The following FBXL7 variants were observed in gnomAD, a reference collection of about 807,000 sequenced individuals.
FBXL7 encodes F-box and leucine rich repeat protein 7.
A neutral mutation model predicts 38.3 loss-of-function variants in FBXL7; 12 were observed. The observed-to-expected ratio is 0.31, with a 90% CI of 0.20 to 0.51. The LOEUF is 0.51. Ranked by LOEUF, FBXL7 falls within the 20% of genes least tolerant of loss-of-function variation. The pLI is 0.98. For synonymous variants in FBXL7, 297 were observed against 300.9 expected (o/e 0.99, Z 0.13); for missense variants, 567 against 676.4 (o/e 0.84, Z 1.79).
intron 2 of FBXL7, among the ~76,000 whole-genome samples, chr5:15,704,534 C>G (rs1390468251): frequency 6.6e-6 from 1 of 152,158 alleles, no homozygotes; most frequent in Admixed American, 6.5e-5. Context: ...TGCAGAGCTC[C>G]ATGTGGTGAT....
intron 1 of FBXL7, among the ~76,000 whole-genome samples, chr5:15,575,623 T>G (rs1215387301): frequency 2.6e-5 from 4 of 152,236 alleles, no homozygotes; most frequent in Non-Finnish European, 4.4e-5. Context: ...AAAACATGTT[T>G]TTGTTTCTTT....
At chr5:15,755,451 T>C (rs1736271984) in intron 2 of FBXL7, among the ~76,000 whole-genome samples, 1 of 152,170 alleles carries the variant, frequency 6.6e-6, no homozygotes. Context: ...TTTCTCTCTG[T>C]GTCTCCCATA....
chr5:15,563,822 T>A (rs975092593), intron 1 of FBXL7, among the ~76,000 whole-genome samples: 2 of 152,112 alleles, frequency 1.3e-5, no homozygotes, highest in African/African-American at 4.8e-5. Context: ...GAAGGCTTGA[T>A]GCCTCATAAA....
intron 1 of FBXL7, among the ~76,000 whole-genome samples, chr5:15,578,128 A>AC (rs1237147764): frequency 6.6e-6 from 1 of 152,178 alleles, no homozygotes; most frequent in Non-Finnish European, 1.5e-5. Flanking sequence ...ACTGGCCATC[A>AC]CCCATAACAT....
chr5:15,713,912 C>G (rs1271672339), intron 2 of FBXL7, among the ~76,000 whole-genome samples: 1 of 152,198 alleles, frequency 6.6e-6, no homozygotes, highest in East Asian at 1.9e-4. Context: ...AATACCTACA[C>G]TGTCCTTGGG....
intron 1 of FBXL7, among the ~76,000 whole-genome samples, chr5:15,615,531 T>A (rs560383142): frequency 6.6e-6 from 1 of 152,358 alleles, no homozygotes; most frequent in East Asian, 1.9e-4. Context: ...AGGGAATTCA[T>A]TTTTTGATGT....
chr5:15,648,113 C>G (rs1232452378), intron 2 of FBXL7, among the ~76,000 whole-genome samples: 1 of 152,214 alleles, frequency 6.6e-6, no homozygotes, highest in Non-Finnish European at 1.5e-5. Context: ...CTTTTTGAAT[C>G]AAGCCTCTTC....
rs577731472 is a variant in FBXL7 at position 15,570,069 on chromosome 5, T to G, written c.38-45914T>G. 7.8e-4 allele frequency among the ~76,000 whole-genome samples: 119 copies of G among 152,348 alleles called. 1 individual carries two copies. Among genetic ancestry groups the G allele is most frequent in the Admixed American group, 2.3e-3 (35 of 15,302 alleles). Reference sequence around the variant, plus strand: ...AAATTCTCTTTTTTTGTTGTGTCTCTGCCAGGCTTTGGTATCAGGATGGTG... The same window carrying G: ...AAATTCTCTTTTTTTGTTGTGTCTCGGCCAGGCTTTGGTATCAGGATGGTG... On this transcript the variant is annotated intron_variant, in intron 1 of 3. Transcript: ENST00000504595.
intron 1 of FBXL7, among the ~76,000 whole-genome samples, chr5:15,611,136 C>A (rs536750987): frequency 1.4e-4 from 22 of 152,206 alleles, no homozygotes; most frequent in African/African-American, 5.1e-4. Flanking sequence ...ATGTAATCAC[C>A]AAATTAATCC....
chr5:15,649,901 C>T (rs959935199), intron 2 of FBXL7, among the ~76,000 whole-genome samples: 1 of 152,164 alleles, frequency 6.6e-6, no homozygotes, highest in African/African-American at 2.4e-5. Context: ...TCATCCACTT[C>T]AGGTGGTAAG....
intron 2 of FBXL7, among the ~76,000 whole-genome samples, chr5:15,893,251 A>G (rs1026962450): frequency 6.6e-6 from 1 of 152,176 alleles, no homozygotes; most frequent in Non-Finnish European, 1.5e-5. Context: ...GCCCCCACTA[A>G]TATGGGATGT....
intron 2 of FBXL7, among the ~76,000 whole-genome samples, chr5:15,867,860 CTG>C (rs1739781392): frequency 1.3e-5 from 2 of 152,062 alleles, no homozygotes; most frequent in Admixed American, 1.3e-4. Context: ...AATCCCAGCA[CTG>C]TGGGAGGGTG....
In FBXL7 at chr5:15,684,997, G is replaced by A. The variant is rs530318463; in HGVS notation, c.127+68925G>A. On this transcript the variant is annotated intron_variant, in intron 2 of 3. Coordinates refer to ENST00000504595, the MANE Select transcript of FBXL7 (RefSeq NM_012304.5). ...TTGAAATTCTTCACATATTCCATTC[G>A]TAGGACTAAGCATTTCTCTGAATAA... Among the ~76,000 whole-genome samples the A allele has an allele frequency of 3.9e-4, 60 of 152,192 alleles. No homozygotes were observed. In the South Asian group the frequency reaches 6.0e-3, roughly 15 times the overall value.
intron 1 of FBXL7, among the ~76,000 whole-genome samples, chr5:15,538,259 G>A (rs1017583188): frequency 6.6e-6 from 1 of 152,140 alleles, no homozygotes; most frequent in Non-Finnish European, 1.5e-5. Flanking sequence ...AGTTTGAAGT[G>A]TATAACGACC....
intron 2 of FBXL7, among the ~76,000 whole-genome samples, chr5:15,631,118 C>T (rs1740982492): frequency 6.6e-6 from 1 of 152,130 alleles, no homozygotes; most frequent in African/African-American, 2.4e-5. Context: ...CAACACAATT[C>T]CTATTGAAAT....
intron 3 of FBXL7, among the ~76,000 whole-genome samples, chr5:15,932,374 G>GGTGTC (rs1184121859): frequency 6.6e-6 from 1 of 152,136 alleles, no homozygotes; most frequent in East Asian, 1.9e-4. Flanking sequence ...TTAACCATCT[G>GGTGTC]ACACCCCAGA....
At chr5:15,935,109 G>T (rs1742141622) in intron 3 of FBXL7, 7 of 529,806 alleles carry the variant, frequency 1.3e-5, no homozygotes, top group South Asian at 9.8e-5. Context: ...AGCATTTGTG[G>T]TGTGCGGGAA....
intron 2 of FBXL7, among the ~76,000 whole-genome samples, chr5:15,819,514 TA>T (rs1293211998): frequency 6.6e-6 from 1 of 152,180 alleles, no homozygotes. Context: ...TCAACATATT[TA>T]AAAAACTGGA....
At chr5:15,739,629 A>G (rs757487599) in intron 2 of FBXL7, among the ~76,000 whole-genome samples, 1 of 152,200 alleles carries the variant, frequency 6.6e-6, no homozygotes, top group Non-Finnish European at 1.5e-5. Flanking sequence ...CATTTGCTGT[A>G]AAAGGAATCA....
Sources: gnomAD v4.1 joint callset for allele counts (sites outside exome capture counted in the v4.1 genomes callset) on GRCh38, gnomAD v4.1.1 for gene constraint, MANE v1.5 for transcripts, NCBI Gene and HGNC (gene_info 2026-07-23, HGNC 2026-07-21) for gene names.